IMMP2L: variants seen among roughly 807,000 people sequenced by gnomAD.
The protein encoded by IMMP2L is inner mitochondrial membrane peptidase subunit 2.
In IMMP2L, 18 loss-of-function variants were observed where a neutral mutation model predicts 19.3. The observed-to-expected ratio is 0.93, with a 90% CI of 0.64 to 1.38. IMMP2L has a LOEUF of 1.38. IMMP2L is among the 40% of genes most tolerant of loss of function. The pLI is 0.00. For synonymous variants in IMMP2L, 76 were observed against 73.0 expected (o/e 1.04, Z -0.21); for missense variants, 233 against 218.2 (o/e 1.07, Z -0.43).
At chr7:111,098,243 T>C (rs1797606742) in intron 3 of IMMP2L, among the ~76,000 whole-genome samples, 1 of 151,816 alleles carries the variant, frequency 6.6e-6, no homozygotes, top group Non-Finnish European at 1.5e-5. Flanking sequence ...TTCCTCTTAT[T>C]GTCATTTATT....
chr7:111,391,706 C>G, intron 3 of IMMP2L: 1 of 507,296 alleles, frequency 2.0e-6, no homozygotes, highest in Non-Finnish European at 3.5e-6. Context: ...TCCAAAGATG[C>G]AAATTTTTTA....
At chr7:111,500,453 G>C (rs990220184) in intron 2 of IMMP2L, among the ~76,000 whole-genome samples, 5 of 152,176 alleles carry the variant, frequency 3.3e-5, no homozygotes, top group African/African-American at 1.2e-4. Context: ...GCTTTGAAGA[G>C]AGTAGTGGTT....
At chr7:110,955,029 GTTT>G (rs898688963) in intron 4 of IMMP2L, among the ~76,000 whole-genome samples, 40 of 151,898 alleles carry the variant, frequency 2.6e-4, no homozygotes, top group African/African-American at 9.6e-4. Context: ...CAAATAATGC[GTTT>G]TTTAATCGAC....
chr7:111,028,075 A>G (rs980383323), intron 3 of IMMP2L, among the ~76,000 whole-genome samples: 1 of 152,134 alleles, frequency 6.6e-6, no homozygotes, highest in African/African-American at 2.4e-5. Flanking sequence ...TTCAAGGTTC[A>G]TATGGTTAAA....
intron 3 of IMMP2L, among the ~76,000 whole-genome samples, chr7:111,053,071 C>T (rs957896269): frequency 2.6e-5 from 4 of 152,124 alleles, no homozygotes; most frequent in South Asian, 2.1e-4. Flanking sequence ...AGGGCCATAA[C>T]GCAGAAGCAG....
At chr7:111,539,740 C>CT (rs1353007408) in intron 1 of IMMP2L, among the ~76,000 whole-genome samples, 1 of 151,898 alleles carries the variant, frequency 6.6e-6, no homozygotes, top group African/African-American at 2.4e-5. Flanking sequence ...AAAACACTGC[C>CT]TTAAAGAATC....
chr7:110,675,055 G>C (rs1041184784), intron 5 of IMMP2L, among the ~76,000 whole-genome samples: 1 of 152,086 alleles, frequency 6.6e-6, no homozygotes, highest in African/African-American at 2.4e-5. Flanking sequence ...CCAATATAAA[G>C]ATCAATATAT....
intron 3 of IMMP2L, chr7:111,091,513 A>G (rs1453573491): frequency 6.6e-6 from 1 of 152,232 alleles, no homozygotes; most frequent in Non-Finnish European, 1.5e-5. Flanking sequence ...AGGTAAGTTT[A>G]AAATACACAT....
intron 3 of IMMP2L, among the ~76,000 whole-genome samples, chr7:111,086,162 C>T (rs1029053680): frequency 3.3e-5 from 5 of 151,036 alleles, no homozygotes; most frequent in African/African-American, 1.2e-4. Context: ...TACTGTGGCT[C>T]ATGTCTGTAA....
chr7:111,451,196 C>T (rs1184479534), intron 3 of IMMP2L, among the ~76,000 whole-genome samples: 1 of 142,854 alleles, frequency 7.0e-6, no homozygotes, highest in South Asian at 2.1e-4. Flanking sequence ...TTGACCCAGC[C>T]ATCCCATTAC....
At chr7:110,908,996 T>C (rs1420278489) in intron 4 of IMMP2L, among the ~76,000 whole-genome samples, 1 of 152,042 alleles carries the variant, frequency 6.6e-6, no homozygotes, top group Non-Finnish European at 1.5e-5. Flanking sequence ...GAGAGAAAGG[T>C]ACAGGAAGCC....
At chr7:111,006,365 TA>T (rs1157967285) in intron 3 of IMMP2L, among the ~76,000 whole-genome samples, 5 of 152,176 alleles carry the variant, frequency 3.3e-5, no homozygotes, top group African/African-American at 9.6e-5. Context: ...TTGGCCTCTG[TA>T]TTTTATAATG....
Position 111,171,864 on chromosome 7 carries a change from T to TA in IMMP2L, c.240-208300dup, listed in dbSNP as rs552613125. Among the ~76,000 whole-genome samples, 1,434 of 150,690 alleles carry TA rather than the reference T, an allele frequency of 9.5e-3. 24 individuals are homozygous for TA. The highest frequency in any genetic ancestry group is 0.032 in the African/African-American group (1,325 of 41,228). On this transcript the variant is annotated intron_variant, in intron 3 of 5. Transcript: ENST00000405709. The stretch of plus-strand genomic sequence containing the variant: ...GTAATATAAGTAGATGTATAATAGG[T>TA]AAAAAAAGATAAAATAAAGAATTAA...
At chr7:111,225,507 G>A (rs1018081059) in intron 3 of IMMP2L, among the ~76,000 whole-genome samples, 1 of 151,990 alleles carries the variant, frequency 6.6e-6, no homozygotes, top group Admixed American at 6.6e-5. Context: ...ATTTTGGAGT[G>A]AGAAAATACA....
chr7:111,492,181 G>A (rs955808024), intron 2 of IMMP2L, among the ~76,000 whole-genome samples: 12 of 151,026 alleles, frequency 7.9e-5, no homozygotes, highest in Admixed American at 6.6e-4. Context: ...TTTTGAGATC[G>A]AGCACTTTGC....
At chr7:111,442,743 A>G (rs1446768970) in intron 3 of IMMP2L, among the ~76,000 whole-genome samples, 1 of 151,942 alleles carries the variant, frequency 6.6e-6, no homozygotes, top group Non-Finnish European at 1.5e-5. Flanking sequence ...TTAAATACAT[A>G]CACTAATAGA....
intron 3 of IMMP2L, among the ~76,000 whole-genome samples, chr7:111,370,058 A>T (rs192106450): frequency 6.6e-6 from 1 of 152,030 alleles, no homozygotes; most frequent in Admixed American, 6.6e-5. Context: ...AAAATTTTAT[A>T]AAAAATATCA....
At chr7:111,091,579 A>G (rs1170814394) in intron 3 of IMMP2L, 1 of 152,142 alleles carries the variant, frequency 6.6e-6, no homozygotes, top group Non-Finnish European at 1.5e-5. Context: ...TTTTACACCT[A>G]AATCCTCCTT....
At chr7:111,016,825 A>G (rs189378710) in intron 3 of IMMP2L, among the ~76,000 whole-genome samples, 7,177 of 62,116 alleles carry the variant, frequency 0.12, 464 homozygotes, top group East Asian at 0.42. Context: ...ATTATATATA[A>G]TATATAGTAT....
Sources: allele counts gnomAD v4.1 joint callset (sites outside exome capture counted in the v4.1 genomes callset), GRCh38; gene constraint gnomAD v4.1.1; transcripts MANE v1.5; gene names NCBI Gene and HGNC (gene_info 2026-07-23, HGNC 2026-07-21).